FIG4: variants seen among roughly 807,000 people sequenced by gnomAD.
FIG4 encodes polyphosphoinositide phosphatase.
FIG4 carries 112 observed loss-of-function variants against 118.6 expected under a neutral mutation model. The observed-to-expected ratio is 0.94, with a 90% CI of 0.81 to 1.11. The LOEUF (loss-of-function observed/expected upper bound fraction) is 1.11, where lower values mean the gene tolerates loss of function less well. Among genes scored for constraint, FIG4 ranks in the 50% least tolerant of loss-of-function variants. FIG4 has a pLI of 0.00. For synonymous variants in FIG4, 369 were observed against 381.2 expected, an observed-to-expected ratio of 0.97 and a Z score of 0.37; for missense variants, 969 against 1,111.7, an observed-to-expected ratio of 0.87 and a Z score of 1.83.
chr6:109,747,596 C>G (rs990519586), intron 10 of FIG4, among the ~76,000 whole-genome samples: 1 of 151,926 alleles, frequency 6.6e-6, no homozygotes, highest in Non-Finnish European at 1.5e-5. Flanking sequence ...TACTTTTCCC[C>G]CAATAGGAGT....
At chr6:109,771,198 C>T (rs1426982769) in intron 15 of FIG4, among the ~76,000 whole-genome samples, 1 of 152,168 alleles carries the variant, frequency 6.6e-6, no homozygotes, top group Non-Finnish European at 1.5e-5. Context: ...AAGCCCAACT[C>T]TTCACCTCTT....
At chr6:109,714,622 T>C (rs1775371344) in intron 1 of FIG4, among the ~76,000 whole-genome samples, 1 of 152,252 alleles carries the variant, frequency 6.6e-6, no homozygotes, top group Non-Finnish European at 1.5e-5. Context: ...ATAGTTACTA[T>C]ATTAAAGACA....
At chr6:109,794,566 G>A (rs556249227) in intron 21 of FIG4, among the ~76,000 whole-genome samples, 1 of 152,358 alleles carries the variant, frequency 6.6e-6, no homozygotes, top group African/African-American at 2.4e-5. Flanking sequence ...GGGTAACTGT[G>A]CCAGAGGGTG....
chr6:109,801,631 G>A (rs973148355), intron 22 of FIG4, among the ~76,000 whole-genome samples: 42 of 152,166 alleles, frequency 2.8e-4, no homozygotes, highest in African/African-American at 1.7e-4. Flanking sequence ...GTAAAAAGTG[G>A]TATTCATTCA....
chr6:109,723,318 T>C (rs1362731640), intron 3 of FIG4, among the ~76,000 whole-genome samples: 1 of 152,138 alleles, frequency 6.6e-6, no homozygotes, highest in African/African-American at 2.4e-5. Flanking sequence ...TTGACCAAGA[T>C]TATATGGCAA....
intron 22 of FIG4, among the ~76,000 whole-genome samples, chr6:109,812,940 T>G (rs1778761385): frequency 6.6e-6 from 1 of 152,214 alleles, no homozygotes; most frequent in African/African-American, 2.4e-5. Flanking sequence ...GAAAAGGCAC[T>G]GAATCATTTT....
In FIG4 at chr6:109,749,055, CTGTGTGTGTGTGTGTGTGTGTGTGTGTG is replaced by C. The variant is rs113357544; in HGVS notation, c.1137+5305_1137+5332del. Among the ~76,000 whole-genome samples, 1,135 of 132,480 alleles carry C rather than the reference CTGTGTGTGTGTGTGTGTGTGTGTGTGTG, an allele frequency of 8.6e-3. 22 individuals carry two copies. The highest frequency in any genetic ancestry group is 0.028 in the African/African-American group (999 of 35,104). 86.9% of individuals were successfully genotyped at this position (132,480 alleles called of 152,430 possible). A position where few individuals can be genotyped will look rare whatever the true frequency, so the allele number is the denominator to read the frequency against. ...CTACATGCATGGGCTCAAAGGAGCT[CTGTGTGTGTGTGTGTGTGTGTGTGTGTG>C]TGTGTGTGTGTGTGTGTGTGTTTTA... is the stretch of plus-strand genomic sequence containing the variant. On this transcript the variant is annotated intron_variant, in intron 10 of 22. Coordinates refer to ENST00000230124, the MANE Select transcript of FIG4 (RefSeq NM_014845.6).
At chr6:109,745,290 A>G (rs1776456298) in intron 10 of FIG4, among the ~76,000 whole-genome samples, 1 of 152,098 alleles carries the variant, frequency 6.6e-6, no homozygotes, top group Admixed American at 6.6e-5. Flanking sequence ...TTTCCACGTC[A>G]TCTCCAGCAC....
In FIG4 at chr6:109,743,120, CA is replaced by C; in HGVS notation, c.890del (p.Asn297MetfsTer14). 1 of 1,612,378 alleles carries C rather than the reference CA, an allele frequency of 6.2e-7. No homozygotes were observed. Among genetic ancestry groups the C allele is most frequent in the East Asian group, 2.2e-5 (1 of 44,778 alleles). The stretch of plus-strand genomic sequence containing the variant: ...CACCTTTCTTTTCAGGGTGATGTTG[CA>C]AATGAAGTGGAGACTGAACAAATAC... ...KRGANCEGDV[A>X]NEVETEQILC... On this transcript the variant is annotated frameshift_variant, in exon 9 of 23. Coordinates refer to ENST00000230124, the MANE Select transcript of FIG4 (RefSeq NM_014845.6). LOFTEE classifies it high-confidence loss of function.
At chr6:109,738,537 G>C (rs1182791132) in intron 7 of FIG4, 84 bp downstream of exon 7, 2 of 1,271,548 alleles carry the variant, frequency 1.6e-6, no homozygotes, top group Non-Finnish European at 2.3e-6. Flanking sequence ...TGAATTATAT[G>C]ATTATAATAC....
chr6:109,754,798 G>GT (rs1776830129), intron 10 of FIG4, among the ~76,000 whole-genome samples: 1 of 152,006 alleles, frequency 6.6e-6, no homozygotes, highest in Non-Finnish European at 1.5e-5. Context: ...CTCCTTTATC[G>GT]TTTTTTATTG....
intron 22 of FIG4, 47 bp downstream of exon 22, chr6:109,796,898 C>A: frequency 9.5e-7 from 1 of 1,056,456 alleles, no homozygotes; most frequent in Non-Finnish European, 1.5e-6. Context: ...ATTCATGCCA[C>A]TCATAGGGCT....
rs1339798332 is a variant in FIG4, at chr6:109,691,372, G to T, written c.-64G>T. The T allele has an allele frequency of 1.4e-6, 2 of 1,390,652 alleles. No homozygotes were observed. Among genetic ancestry groups the T allele is most frequent in the Non-Finnish European group, 2.0e-6 (2 of 1,000,052 alleles). The allele number at this position is 1,390,652 out of a possible 1,614,324, so 86.1% of individuals were successfully genotyped here. ...TGTCCAGGGCCTGAGGGGTTTTCTC[G>T]CCGAGTCTCCTGGGGCGGTCCGGAG... On this transcript the variant is annotated 5_prime_UTR_variant, in exon 1 of 23. Coordinates refer to ENST00000230124, the MANE Select transcript of FIG4 (RefSeq NM_014845.6).
intron 10 of FIG4, among the ~76,000 whole-genome samples, chr6:109,753,589 T>C (rs1776782168): frequency 6.6e-6 from 1 of 152,224 alleles, no homozygotes; most frequent in African/African-American, 2.4e-5. Flanking sequence ...GGAATGTTCT[T>C]CCATTTGTTT....
intron 1 of FIG4, among the ~76,000 whole-genome samples, chr6:109,709,229 C>G (rs1775182849): frequency 6.6e-6 from 1 of 152,100 alleles, no homozygotes; most frequent in Non-Finnish European, 1.5e-5. Context: ...ATCCTTTCCC[C>G]ATTGCTTGTT....
chr6:109,807,439 C>T (rs1380810278), intron 22 of FIG4, among the ~76,000 whole-genome samples: 1 of 152,140 alleles, frequency 6.6e-6, no homozygotes, highest in African/African-American at 2.4e-5. Flanking sequence ...ATATCCTTCT[C>T]CCACTTTTTG....
Position 109,807,226 on chromosome 6 carries a change from A to G in FIG4, c.2546+10375A>G, listed in dbSNP as rs144277122. On this transcript the variant is annotated intron_variant, in intron 22 of 22. Coordinates refer to ENST00000230124, the MANE Select transcript of FIG4 (RefSeq NM_014845.6). ...GTTGAACTAATTTACACTCCCACCA[A>G]CAGTGTAAAAGTGTTTCTATTTCTC... Among the ~76,000 whole-genome samples the G allele has an allele frequency of 7.2e-3, 1,092 of 152,278 alleles. 18 individuals carry two copies. Among genetic ancestry groups the G allele is most frequent in the African/African-American group, 0.025 (1,057 of 41,546 alleles).
chr6:109,811,793 T>C (rs1778728526), intron 22 of FIG4, among the ~76,000 whole-genome samples: 1 of 152,200 alleles, frequency 6.6e-6, no homozygotes, highest in Admixed American at 6.5e-5. Flanking sequence ...AGGAAAGTTT[T>C]CTCTGAGGAG....
intron 22 of FIG4, among the ~76,000 whole-genome samples, chr6:109,815,378 G>A (rs1444875606): frequency 2.6e-5 from 4 of 151,446 alleles, no homozygotes; most frequent in Non-Finnish European, 4.4e-5. Context: ...TACTTCCTCC[G>A]GCTGCGTCCA....
Sources: gnomAD v4.1 joint callset for allele counts (sites outside exome capture counted in the v4.1 genomes callset) on GRCh38, gnomAD v4.1.1 for gene constraint, MANE v1.5 for transcripts, NCBI Gene and HGNC (gene_info 2026-07-23, HGNC 2026-07-21) for gene names.